Variants in PRORP observed in about 807,000 individuals in gnomAD.
The protein encoded by PRORP is mitochondrial ribonuclease P catalytic subunit.
Under a neutral mutation model 59.4 loss-of-function variants are expected in PRORP, and 51 were observed. The ratio of observed to expected loss-of-function variants is 0.86; its 90% CI spans 0.69 to 1.08. PRORP has a LOEUF of 1.08. Ranked by LOEUF, PRORP falls within the 50% of genes least tolerant of loss-of-function variation. The pLI is 0.00. For synonymous variants in PRORP, 231 were observed against 245.6 expected (o/e 0.94, Z 0.55); for missense variants, 646 against 690.3 (o/e 0.94, Z 0.72).
At chr14:35,151,468 A>G (rs1238177008) in intron 4 of PRORP, among the ~76,000 whole-genome samples, 2 of 152,092 alleles carry the variant, frequency 1.3e-5, no homozygotes, top group East Asian at 1.9e-4. Flanking sequence ...AGTCTTCCCT[A>G]TCTCAGTAAA....
chr14:35,197,790 A>AAAAT (rs1462708691), intron 5 of PRORP, among the ~76,000 whole-genome samples: 1 of 152,236 alleles, frequency 6.6e-6, no homozygotes, highest in African/African-American at 2.4e-5. Context: ...TACAGAAAAT[A>AAAAT]AAATAAATTT....
Position 35,184,808 on chromosome 14 carries a change from G to A in PRORP, c.1275+4031G>A, listed in dbSNP as rs1045138714. On this transcript the variant is annotated intron_variant, in intron 5 of 7. Coordinates refer to ENST00000534898, the MANE Select transcript of PRORP (RefSeq NM_014672.4). ...TCTGTTTCTGCATTAGTTTGCTAAC[G>A]ATAATAGCCTCCATCTCCATCCATG... Among the ~76,000 whole-genome samples, 22 of 152,196 alleles carry A rather than the reference G, an allele frequency of 1.4e-4. 1 individual carries two copies. Among genetic ancestry groups the A allele is most frequent in the Middle Eastern group, 3.4e-3 (1 of 294 alleles).
At chr14:35,156,101 T>C (rs1595204792) in intron 4 of PRORP, among the ~76,000 whole-genome samples, 1 of 152,224 alleles carries the variant, frequency 6.6e-6, no homozygotes, top group Non-Finnish European at 1.5e-5. Flanking sequence ...AATACTCCAG[T>C]GTGCACAACC....
At chr14:35,158,630 A>C in intron 4 of PRORP, 1 of 363,408 alleles carries the variant, frequency 2.8e-6, no homozygotes. Context: ...AGGCATCTGA[A>C]ATCTGTTCAC....
At chr14:35,210,973 A>C (rs1420172256) in intron 5 of PRORP, among the ~76,000 whole-genome samples, 1 of 151,778 alleles carries the variant, frequency 6.6e-6, no homozygotes, top group South Asian at 2.1e-4. Context: ...GGGTCTTACT[A>C]TGTTGCCCAG....
chr14:35,157,003 G>A (rs1433216969), intron 4 of PRORP, among the ~76,000 whole-genome samples: 1 of 144,868 alleles, frequency 6.9e-6, no homozygotes, highest in African/African-American at 2.6e-5. Context: ...TCGCCCAGGC[G>A]GGAGTGCAGT....
chr14:35,154,701 A>G (rs74790181), intron 4 of PRORP, among the ~76,000 whole-genome samples: 1 of 50,150 alleles, frequency 2.0e-5, no homozygotes, highest in Non-Finnish European at 3.9e-5. Flanking sequence ...ATGAATTGCC[A>G]AAAAAAAAAA....
Position 35,270,434 on chromosome 14 carries a change from A to G in PRORP, c.1458A>G (p.Thr486=), listed in dbSNP as rs774650484. 9 of 1,613,928 alleles carry G rather than the reference A, an allele frequency of 5.6e-6. No homozygotes were observed. In the African/African-American group the frequency reaches 1.1e-4, roughly 19 times the overall value. ...SEDDPFLLYA[T]LHSGNHCRFI... is the part of the protein sequence containing the mutation. ...ATGATCCATTCCTTCTGTATGCCAC[A>G]CTGCACTCCGGGAATCACTGCAGGT... is the stretch of plus-strand genomic sequence containing the variant. Residue 486 remains threonine (T), a synonymous_variant, in exon 7 of 8, where the codon ACA becomes ACG. Transcript: ENST00000534898.
At chr14:35,259,402 G>C (rs547420251) in intron 5 of PRORP, among the ~76,000 whole-genome samples, 1 of 151,746 alleles carries the variant, frequency 6.6e-6, no homozygotes, top group African/African-American at 2.4e-5. Flanking sequence ...AATCCATTCT[G>C]CCAGCCTCTG....
chr14:35,248,191 A>T (rs565403486), intron 5 of PRORP, among the ~76,000 whole-genome samples: 8 of 152,356 alleles, frequency 5.3e-5, no homozygotes, highest in Admixed American at 2.6e-4. Context: ...AACCAGTGGG[A>T]TCATTTATGA....
intron 5 of PRORP, among the ~76,000 whole-genome samples, chr14:35,264,553 C>T (rs1184355993): frequency 5.3e-5 from 8 of 152,194 alleles, no homozygotes; most frequent in Middle Eastern, 3.4e-3. Context: ...CCACCATACC[C>T]GGCCCATTCT....
intron 7 of PRORP, among the ~76,000 whole-genome samples, chr14:35,271,277 G>A (rs537765294): frequency 6.8e-6 from 1 of 146,896 alleles, no homozygotes; most frequent in East Asian, 2.1e-4. Context: ...TCCTGCCTCA[G>A]CCTCCCAAGT....
chr14:35,261,735 A>C (rs757757232), intron 5 of PRORP, among the ~76,000 whole-genome samples: 9 of 152,136 alleles, frequency 5.9e-5, no homozygotes, highest in Non-Finnish European at 1.3e-4. Flanking sequence ...TCTCAAAAAA[A>C]AAACAAACAA....
intron 5 of PRORP, among the ~76,000 whole-genome samples, chr14:35,237,879 C>G (rs1275684261): frequency 6.6e-6 from 1 of 152,102 alleles, no homozygotes; most frequent in African/African-American, 2.4e-5. Flanking sequence ...TGGTCTTGAT[C>G]TCCTGACCTT....
chr14:35,206,036 G>A (rs1173177470), intron 5 of PRORP, among the ~76,000 whole-genome samples: 1 of 152,090 alleles, frequency 6.6e-6, no homozygotes, highest in African/African-American at 2.4e-5. Flanking sequence ...TTTAGAAATC[G>A]CAACATCCAG....
intron 6 of PRORP, among the ~76,000 whole-genome samples, chr14:35,267,201 A>G (rs1198270309): frequency 6.6e-6 from 1 of 152,174 alleles, no homozygotes; most frequent in Non-Finnish European, 1.5e-5. Context: ...TACTTGACAA[A>G]CAGGAGCACC....
At chr14:35,132,641 G>T (rs1042547000) in intron 4 of PRORP, among the ~76,000 whole-genome samples, 1 of 151,874 alleles carries the variant, frequency 6.6e-6, no homozygotes, top group Non-Finnish European at 1.5e-5. Context: ...AAAAAAATTA[G>T]CTGGAAATGG....
chr14:35,124,599 T>A (rs1467194533), intron 2 of PRORP, among the ~76,000 whole-genome samples: 1 of 151,500 alleles, frequency 6.6e-6, no homozygotes, highest in African/African-American at 2.4e-5. Flanking sequence ...ACATACATAA[T>A]TTGTGCTAAT....
intron 5 of PRORP, among the ~76,000 whole-genome samples, chr14:35,232,669 C>A (rs2050111416): frequency 6.6e-6 from 1 of 151,790 alleles, no homozygotes; most frequent in Non-Finnish European, 1.5e-5. Flanking sequence ...TTCTACCATT[C>A]CTTCTCCTTC....
Sources: gnomAD v4.1 joint callset for allele counts (sites outside exome capture counted in the v4.1 genomes callset) on GRCh38, gnomAD v4.1.1 for gene constraint, MANE v1.5 for transcripts, NCBI Gene and HGNC (gene_info 2026-07-23, HGNC 2026-07-21) for gene names.